Variants in ZDHHC14 observed in about 807,000 individuals in gnomAD.
The protein encoded by ZDHHC14 is zDHHC palmitoyltransferase 14.
ZDHHC14 carries 16 observed loss-of-function variants against 47.7 expected under a neutral mutation model. That is an observed-to-expected ratio of 0.34 (90% confidence interval 0.23 to 0.51). The LOEUF is 0.51. Ranked by LOEUF, ZDHHC14 falls within the 20% of genes least tolerant of loss-of-function variation. The probability of loss-of-function intolerance (pLI) is 0.97; values close to 1 mark genes in which losing one functional copy is unlikely to be tolerated. For synonymous variants in ZDHHC14, 293 were observed against 278.9 expected (o/e 1.05, Z -0.50); for missense variants, 515 against 662.5 (o/e 0.78, Z 2.44).
At chr6:157,415,811 T>A (rs1437817397) in intron 1 of ZDHHC14, among the ~76,000 whole-genome samples, 3 of 151,770 alleles carry the variant, frequency 2.0e-5, no homozygotes. Flanking sequence ...GAGGCAGAGA[T>A]TGCCGTGAGC....
intron 2 of ZDHHC14, among the ~76,000 whole-genome samples, chr6:157,551,732 T>C (rs1782243839): frequency 6.6e-6 from 1 of 152,238 alleles, no homozygotes; most frequent in Non-Finnish European, 1.5e-5. Context: ...TGTCGTATTT[T>C]CAGGAGTTTT....
intron 5 of ZDHHC14, among the ~76,000 whole-genome samples, chr6:157,639,030 G>T (rs1562522779): frequency 6.6e-6 from 1 of 152,246 alleles, no homozygotes; most frequent in Non-Finnish European, 1.5e-5. Flanking sequence ...TCCACATTGG[G>T]CAGGGTGCCC....
At chr6:157,583,084 T>C (rs1318233889) in intron 2 of ZDHHC14, among the ~76,000 whole-genome samples, 1 of 152,070 alleles carries the variant, frequency 6.6e-6, no homozygotes, top group African/African-American at 2.4e-5. Flanking sequence ...TTTGGTCCTT[T>C]TTTATAATGA....
chr6:157,510,280 C>T (rs1012466389), intron 1 of ZDHHC14, among the ~76,000 whole-genome samples: 2 of 152,092 alleles, frequency 1.3e-5, no homozygotes, highest in Non-Finnish European at 2.9e-5. Flanking sequence ...ATAAAATTCC[C>T]TACTTCAGCT....
chr6:157,545,182 T>G (rs1286164274), intron 2 of ZDHHC14, among the ~76,000 whole-genome samples: 1 of 152,338 alleles, frequency 6.6e-6, no homozygotes, highest in Non-Finnish European at 1.5e-5. Context: ...AGATTAGTGA[T>G]TTCCTGGGGC....
At chr6:157,501,867 A>T (rs1314234624) in intron 1 of ZDHHC14, among the ~76,000 whole-genome samples, 1 of 152,206 alleles carries the variant, frequency 6.6e-6, no homozygotes, top group African/African-American at 2.4e-5. Context: ...ATGATGCCTT[A>T]CTTCTCCTAA....
rs182076341 is a variant in ZDHHC14 at position 157,428,481 on chromosome 6, G to A, written c.245+46215G>A. On this transcript the variant is annotated intron_variant, in intron 1 of 8. Coordinates refer to ENST00000359775, the MANE Select transcript of ZDHHC14 (RefSeq NM_024630.3). ...AATTCCCATTAAAAAAAAAATCTCC[G>A]GCAAACAAGGTCATCTTACATAAAA... 9.9e-4 allele frequency among the ~76,000 whole-genome samples: 150 copies of A among 152,094 alleles called. 1 individual carries two copies. The highest frequency in any genetic ancestry group is 3.5e-4 in the Non-Finnish European group (24 of 67,996).
chr6:157,439,257 C>T (rs772472751), intron 1 of ZDHHC14, among the ~76,000 whole-genome samples: 1 of 152,158 alleles, frequency 6.6e-6, no homozygotes, highest in Admixed American at 6.5e-5. Context: ...TTTTTGCAGT[C>T]TACCCAACTG....
At chr6:157,631,413 T>A (rs980664321) in intron 4 of ZDHHC14, 2 of 152,248 alleles carry the variant, frequency 1.3e-5, no homozygotes, top group African/African-American at 4.8e-5. Flanking sequence ...CCTTTTCCCT[T>A]GTTTGACACC....
chr6:157,413,812 ATGGACATCTG>A (rs1777918688), intron 1 of ZDHHC14, among the ~76,000 whole-genome samples: 1 of 152,102 alleles, frequency 6.6e-6, no homozygotes, highest in East Asian at 1.9e-4. Context: ...GTGGCTTCTC[ATGGACATCTG>A]TGATGAGTTA....
In ZDHHC14 at chr6:157,672,415, T is replaced by G. The variant is rs929089967; in HGVS notation, c.1069-309T>G. Among the ~76,000 whole-genome samples, 23 of 152,302 alleles carry G rather than the reference T, an allele frequency of 1.5e-4. No individual in the cohort carries two copies. The East Asian group carries it at 3.1e-3, about 20-fold the overall frequency. ...GGCCTGTGACTCTGTCCAAGAGATT[T>G]TTTTAATTATGTCCTTTAAATTGGG... On this transcript the variant is annotated intron_variant, in intron 8 of 8. Transcript: ENST00000359775.
chr6:157,635,920 G>A (rs1406710872), intron 5 of ZDHHC14, among the ~76,000 whole-genome samples: 4 of 152,144 alleles, frequency 2.6e-5, no homozygotes, highest in Non-Finnish European at 4.4e-5. Flanking sequence ...TTTTGAAAAC[G>A]CATAGAAGTC....
chr6:157,667,553 G>A (rs2115010946), intron 8 of ZDHHC14, among the ~76,000 whole-genome samples: 1 of 151,412 alleles, frequency 6.6e-6, no homozygotes, highest in Non-Finnish European at 1.5e-5. Context: ...TGAGTCCAGA[G>A]AGCAAGAAAG....
At chr6:157,541,275 G>A (rs1051481652) in intron 1 of ZDHHC14, among the ~76,000 whole-genome samples, 14 of 152,282 alleles carry the variant, frequency 9.2e-5, no homozygotes, top group African/African-American at 3.4e-4. Flanking sequence ...GTCTAGGTCT[G>A]CAGGCCTCTT....
chr6:157,658,315 T>A (rs1236706557), intron 8 of ZDHHC14, among the ~76,000 whole-genome samples: 1 of 152,178 alleles, frequency 6.6e-6, no homozygotes, highest in East Asian at 1.9e-4. Context: ...GGAGGTGGGA[T>A]TAATTTGTAC....
chr6:157,652,699 C>T (rs1484179946), intron 7 of ZDHHC14, among the ~76,000 whole-genome samples: 5 of 152,196 alleles, frequency 3.3e-5, no homozygotes, highest in Non-Finnish European at 5.9e-5. Flanking sequence ...GCGCAGCACC[C>T]GCTGGGTGTC....
chr6:157,546,292 G>A (rs1333717972), intron 2 of ZDHHC14, among the ~76,000 whole-genome samples: 3 of 152,204 alleles, frequency 2.0e-5, no homozygotes, highest in Non-Finnish European at 4.4e-5. Flanking sequence ...TCTGGCTAAA[G>A]AAAGAAAAAT....
At chr6:157,537,196 G>T (rs1781576109) in intron 1 of ZDHHC14, among the ~76,000 whole-genome samples, 1 of 152,186 alleles carries the variant, frequency 6.6e-6, no homozygotes, top group Admixed American at 6.5e-5. Flanking sequence ...TGTGGTCTCA[G>T]ATAATATAGC....
At chr6:157,647,204 A>C (rs1295820731) in intron 6 of ZDHHC14, 55 bp from the exon 7 acceptor site, 11 of 1,252,790 alleles carry the variant, frequency 8.8e-6, no homozygotes, top group Non-Finnish European at 1.3e-5. Flanking sequence ...AGCTCACCTC[A>C]ACTGTGCGTT....
Sources: gnomAD v4.1 joint callset for allele counts (sites outside exome capture counted in the v4.1 genomes callset) on GRCh38, gnomAD v4.1.1 for gene constraint, MANE v1.5 for transcripts, NCBI Gene and HGNC (gene_info 2026-07-23, HGNC 2026-07-21) for gene names.